GALNT17: variants seen among roughly 807,000 people sequenced by gnomAD.
The protein encoded by GALNT17 is polypeptide N-acetylgalactosaminyltransferase 17, also known as UDP-GalNAc:polypeptide N-acetylgalactosaminyltransferase-like 3.
Under a neutral mutation model 63.7 loss-of-function variants are expected in GALNT17, and 29 were observed. That is an observed-to-expected ratio of 0.46 (90% CI 0.34 to 0.62). The LOEUF (loss-of-function observed/expected upper bound fraction) is 0.62. GALNT17 is among the 20% of genes least tolerant of loss of function. GALNT17 has a pLI of 0.01. For synonymous variants in GALNT17, 305 were observed against 318.3 expected, an observed-to-expected ratio of 0.96 and a Z score of 0.45; for missense variants, 603 against 799.6, an observed-to-expected ratio of 0.75 and a Z score of 2.97.
At chr7:71,305,410 G>C (rs1791271622) in intron 1 of GALNT17, among the ~76,000 whole-genome samples, 1 of 152,146 alleles carries the variant, frequency 6.6e-6, no homozygotes. Flanking sequence ...AAATTTTCTT[G>C]TTTTCAACTA....
chr7:71,316,281 G>GATCAGGATCC (rs1317189356), intron 1 of GALNT17, among the ~76,000 whole-genome samples: 1 of 151,056 alleles, frequency 6.6e-6, no homozygotes, highest in South Asian at 2.1e-4. Context: ...CTGTGGATCT[G>GATCAGGATCC]TGGATCTGAT....
At chr7:71,479,684 G>A (rs1386962349) in intron 5 of GALNT17, among the ~76,000 whole-genome samples, 2 of 151,944 alleles carry the variant, frequency 1.3e-5, no homozygotes, top group African/African-American at 2.4e-5. Flanking sequence ...CATTATGTTT[G>A]CAAAGATGGC....
intron 1 of GALNT17, among the ~76,000 whole-genome samples, chr7:71,326,456 A>G (rs916428138): frequency 2.0e-5 from 3 of 152,060 alleles, no homozygotes; most frequent in African/African-American, 4.8e-5. Context: ...TGAGACCCCA[A>G]CTCGAAAGAA....
intron 1 of GALNT17, among the ~76,000 whole-genome samples, chr7:71,286,005 A>G (rs1227718924): frequency 1.3e-5 from 2 of 152,134 alleles, no homozygotes; most frequent in African/African-American, 4.8e-5. Flanking sequence ...TGCGTTCCCA[A>G]CCTAAATTCC....
chr7:71,256,762 C>G, intron 1 of GALNT17, among the ~76,000 whole-genome samples: 1 of 152,182 alleles, frequency 6.6e-6, no homozygotes, highest in Non-Finnish European at 1.5e-5. Context: ...ATTTGGCACC[C>G]AATATGGGGC....
intron 5 of GALNT17, among the ~76,000 whole-genome samples, chr7:71,552,288 A>G (rs908302721): frequency 6.6e-6 from 1 of 151,618 alleles, no homozygotes. Flanking sequence ...CAAACAATCC[A>G]CCCACCTTGG....
intron 6 of GALNT17, among the ~76,000 whole-genome samples, chr7:71,653,109 G>A (rs1315438108): frequency 6.6e-6 from 1 of 151,974 alleles, no homozygotes; most frequent in Admixed American, 6.6e-5. Context: ...TCTGCTTCCC[G>A]GGTTCAAACA....
intron 5 of GALNT17, among the ~76,000 whole-genome samples, chr7:71,522,191 C>T (rs1435229767): frequency 2.0e-5 from 3 of 152,080 alleles, no homozygotes; most frequent in African/African-American, 4.8e-5. Flanking sequence ...TCTGTGAGTT[C>T]CTTGGCATGG....
chr7:71,648,384 C>T (rs532635140), intron 6 of GALNT17, among the ~76,000 whole-genome samples: 11 of 152,118 alleles, frequency 7.2e-5, no homozygotes, highest in East Asian at 3.9e-4. Context: ...AATTCTCCCG[C>T]GTCAGCCTCC....
chr7:71,312,225 C>G (rs773234748), intron 1 of GALNT17, among the ~76,000 whole-genome samples: 4 of 152,194 alleles, frequency 2.6e-5, no homozygotes, highest in Admixed American at 6.5e-5. Flanking sequence ...GCAGGACCTT[C>G]GTGCTACTGT....
intron 1 of GALNT17, among the ~76,000 whole-genome samples, chr7:71,250,776 A>G (rs1790183776): frequency 6.6e-6 from 1 of 152,218 alleles, no homozygotes; most frequent in African/African-American, 2.4e-5. Context: ...TGAATCTAGC[A>G]AGTATCACAG....
chr7:71,292,860 T>C (rs1185709099), intron 1 of GALNT17, among the ~76,000 whole-genome samples: 1 of 152,176 alleles, frequency 6.6e-6, no homozygotes, highest in Non-Finnish European at 1.5e-5. Context: ...ATCACCCCAT[T>C]CTTCCCTCCC....
intron 6 of GALNT17, among the ~76,000 whole-genome samples, chr7:71,651,980 G>T (rs1431976389): frequency 6.6e-6 from 1 of 152,110 alleles, no homozygotes; most frequent in Non-Finnish European, 1.5e-5. Flanking sequence ...GGGATTACAG[G>T]CATTAGCCAC....
chr7:71,608,635 C>G (rs1181194039), intron 6 of GALNT17, among the ~76,000 whole-genome samples: 1 of 152,020 alleles, frequency 6.6e-6, no homozygotes, highest in Non-Finnish European at 1.5e-5. Flanking sequence ...CATTTTTTAT[C>G]CCAGCATTTG....
At chr7:71,523,787 T>TAAATAAATAAATAAA (rs1562675393) in intron 5 of GALNT17, among the ~76,000 whole-genome samples, 1 of 120,404 alleles carries the variant, frequency 8.3e-6, no homozygotes, top group Non-Finnish European at 1.8e-5. Flanking sequence ...AAATAAATAA[T>TAAATAAATAAATAAA]AAAGAAAAGA....
At chr7:71,414,139 G>T (rs967522991) in intron 3 of GALNT17, among the ~76,000 whole-genome samples, 1 of 152,156 alleles carries the variant, frequency 6.6e-6, no homozygotes. Context: ...TACTCGGGAG[G>T]CTGAGGCAGG....
chr7:71,525,504 C>A (rs1228686976), intron 5 of GALNT17, among the ~76,000 whole-genome samples: 1 of 152,030 alleles, frequency 6.6e-6, no homozygotes, highest in African/African-American at 2.4e-5. Context: ...CCGCACCCGG[C>A]CAACTGTTCT....
rs144493671 is a variant in GALNT17 at position 71,265,098 on chromosome 7, T to TTTTATATATATATATATATATATATATA, written c.239-70451_239-70450insTTATATATATATATATATATATATATAT. On this transcript the variant is annotated intron_variant, in intron 1 of 10. Coordinates refer to ENST00000333538, the MANE Select transcript of GALNT17 (RefSeq NM_022479.3). ...AAATACCACACGTAACCCATAAATA[T>TTTTATATATATATATATATATATATATA]TATATATATATATATATATATTTTT... Among the ~76,000 whole-genome samples the TTTTATATATATATATATATATATATATA allele has an allele frequency of 1.3e-3, 104 of 78,304 alleles. 10 individuals are homozygous for TTTTATATATATATATATATATATATATA. The highest frequency in any genetic ancestry group is 2.3e-3 in the East Asian group (7 of 3,066). 51.4% of individuals were successfully genotyped at this position (78,304 alleles called of 152,430 possible).
At chr7:71,145,444 G>A (rs938163550) in intron 1 of GALNT17, among the ~76,000 whole-genome samples, 1 of 152,148 alleles carries the variant, frequency 6.6e-6, no homozygotes, top group Non-Finnish European at 1.5e-5. Context: ...ACTACAGTGA[G>A]CTATGATTGT....
Sources: allele counts gnomAD v4.1 joint callset (sites outside exome capture counted in the v4.1 genomes callset), GRCh38; gene constraint gnomAD v4.1.1; transcripts MANE v1.5; gene names NCBI Gene and HGNC (gene_info 2026-07-23, HGNC 2026-07-21).